RFTN1: variants seen among roughly 807,000 people sequenced by gnomAD.
RFTN1 encodes raftlin, lipid raft linker 1.
RFTN1 carries 26 observed loss-of-function variants against 46.5 expected under a neutral mutation model. The ratio of observed to expected loss-of-function variants is 0.56; its 90% confidence interval spans 0.41 to 0.78. RFTN1 has a LOEUF of 0.78. Among genes scored for constraint, RFTN1 ranks in the 30% least tolerant of loss-of-function variants. The probability of loss-of-function intolerance (pLI) is 0.00; values close to 1 mark genes in which losing one functional copy is unlikely to be tolerated. For missense variants in RFTN1, 693 were observed against 718.7 expected, an observed-to-expected ratio of 0.96 and a Z score of 0.41; for synonymous variants, 261 against 284.2, an observed-to-expected ratio of 0.92 and a Z score of 0.82.
chr3:16,451,211 C>T lies in RFTN1; in HGVS notation c.146-17174G>A, dbSNP rs2075817877. ...GGAGGCAGAGGAGCAGCCCGAGAGA[C>T]AAGAAGCAAAGCAGAAGAGTGCTGT... On this transcript the variant is annotated intron_variant, in intron 2 of 9. Transcript: ENST00000334133. The surrounding 1 kb of genome is among the most constrained non-coding windows in gnomAD (Gnocchi z 4.2). Among the ~76,000 whole-genome samples the T allele has an allele frequency of 6.6e-6, 1 of 152,172 alleles. No homozygotes were observed. Among genetic ancestry groups the T allele is most frequent in the African/African-American group, 2.4e-5 (1 of 41,430 alleles).
intron 4 of RFTN1, among the ~76,000 whole-genome samples, chr3:16,386,346 C>CT (rs2074173689): frequency 6.6e-6 from 1 of 152,220 alleles, no homozygotes; most frequent in African/African-American, 2.4e-5. Context: ...ATGCCCAACA[C>CT]TGTTTTAAAG....
Position 16,452,654 on chromosome 3 carries a change from C to A in RFTN1, c.146-18617G>T, listed in dbSNP as rs2075839463. ...CAACCAACCTTTTTGATTTACTGAC[C>A]AATTATGGTCTCAACTGTGACAGTG... is the stretch of plus-strand genomic sequence containing the variant. On this transcript the variant is annotated intron_variant, in intron 2 of 9. Transcript: ENST00000334133. This position sits in a 1 kb window ranked among gnomAD's most constrained non-coding sequence, Gnocchi z 6.3. Among the ~76,000 whole-genome samples, 1 of 152,030 alleles carries A rather than the reference C, an allele frequency of 6.6e-6. No individual in the cohort carries two copies. The highest frequency in any genetic ancestry group is 6.6e-5 in the Admixed American group (1 of 15,260).
At position 16,507,764 on chromosome 3, in the gene RFTN1, C is replaced by T. The variant is rs1240995535; in HGVS notation, c.-9+5678G>A. 6.6e-6 allele frequency among the ~76,000 whole-genome samples: 1 copy of T among 151,500 alleles called. No individual in the cohort carries two copies. The highest frequency in any genetic ancestry group is 2.4e-5 in the African/African-American group (1 of 41,152). Reference sequence around the variant, plus strand: ...ACATACATGCACACTCACATACACACAAACACACACATACACTCACATACA... The same window carrying T: ...ACATACATGCACACTCACATACACATAAACACACACATACACTCACATACA... On this transcript the variant is annotated intron_variant, in intron 1 of 9. Coordinates refer to ENST00000334133, the MANE Select transcript of RFTN1 (RefSeq NM_015150.2). This position sits in a 1 kb window ranked among gnomAD's most constrained non-coding sequence, Gnocchi z 7.1.
rs1253824464 is a variant in RFTN1 at position 16,352,256 on chromosome 3, G to T, written c.1146+5676C>A. Among the ~76,000 whole-genome samples the T allele has an allele frequency of 6.6e-6, 1 of 152,174 alleles. No homozygotes were observed. Among genetic ancestry groups the T allele is most frequent in the African/African-American group, 2.4e-5 (1 of 41,430 alleles). On this transcript the variant is annotated intron_variant, in intron 7 of 9. Coordinates refer to ENST00000334133, the MANE Select transcript of RFTN1 (RefSeq NM_015150.2). This position sits in a 1 kb window ranked among gnomAD's most constrained non-coding sequence, Gnocchi z 4.6. ...TATGCTAGAACATATTCCAGGGAGA[G>T]GGATAAACATGGAAAAGGCTCTATG...
chr3:16,360,505 T>G (rs182438462), intron 6 of RFTN1, among the ~76,000 whole-genome samples: 3 of 152,332 alleles, frequency 2.0e-5, no homozygotes, highest in Non-Finnish European at 4.4e-5. Flanking sequence ...TCACTGCTGG[T>G]AAAGGTATGG....
chr3:16,323,260 T>G (rs1416258160), intron 9 of RFTN1, 116 bp downstream of exon 9: 1 of 728,032 alleles, frequency 1.4e-6, no homozygotes, highest in Non-Finnish European at 2.3e-6. Context: ...AGGTGTTCCT[T>G]GGGCTCTGCG....
chr3:16,327,266 G>A lies in RFTN1; in HGVS notation c.1147-390C>T, dbSNP rs547195152. Among the ~76,000 whole-genome samples, 1 of 152,252 alleles carries A rather than the reference G, an allele frequency of 6.6e-6. No homozygotes were observed. Among genetic ancestry groups the A allele is most frequent in the South Asian group, 2.1e-4 (1 of 4,810 alleles). On this transcript the variant is annotated intron_variant, in intron 7 of 9. Transcript: ENST00000334133. The surrounding 1 kb of genome is among the most constrained non-coding windows in gnomAD (Gnocchi z 4.2). Reference sequence around the variant, plus strand: ...CTGAATGAGTTCAGAGCGTGTTGTGGGGAGTTAACTTACATTTGACAAATG... The same window carrying A: ...CTGAATGAGTTCAGAGCGTGTTGTGAGGAGTTAACTTACATTTGACAAATG...
chr3:16,317,205 T>G lies in RFTN1; in HGVS notation c.1360A>C (p.Met454Leu). 1 of 1,613,238 alleles carries G rather than the reference T, an allele frequency of 6.2e-7. No individual in the cohort carries two copies. Among genetic ancestry groups the G allele is most frequent in the Non-Finnish European group, 8.5e-7 (1 of 1,179,978 alleles). Residue 454 changes from methionine (M) to leucine (L), a missense_variant, in exon 10 of 10, where the codon ATG becomes CTG. Physicochemically the swap from Met to Leu is conservative, Grantham distance 15. Coordinates refer to ENST00000334133, the MANE Select transcript of RFTN1 (RefSeq NM_015150.2). The surrounding 1 kb of genome is among the most constrained non-coding windows in gnomAD (Gnocchi z 4.3). The stretch of plus-strand genomic sequence containing the variant: ...GATTTCCTCATCTGCCTGTTGTGCA[T>G]TTCTTCTCTGGAGAATCGCCACTGA... ...KFQWRFSREE[M>L]HNRQMRKSKG...
Position 16,452,283 on chromosome 3 carries a change from A to T in RFTN1, c.146-18246T>A, listed in dbSNP as rs1325615236. Among the ~76,000 whole-genome samples, 1 of 152,150 alleles carries T rather than the reference A, an allele frequency of 6.6e-6. No homozygotes were observed. Among genetic ancestry groups the T allele is most frequent in the African/African-American group, 2.4e-5 (1 of 41,412 alleles). The stretch of plus-strand genomic sequence containing the variant: ...TTCTAAAGAAAACTAAAAAAAAAAT[A>T]ATAGCTGTCAAGGTAGATGAAGGTA... On this transcript the variant is annotated intron_variant, in intron 2 of 9. Coordinates refer to ENST00000334133, the MANE Select transcript of RFTN1 (RefSeq NM_015150.2). The surrounding 1 kb of genome is among the most constrained non-coding windows in gnomAD (Gnocchi z 6.3).
Position 16,317,222 on chromosome 3 carries a change from C to G in RFTN1, c.1343G>C (p.Arg448Pro). ...IKKKESKFQW[R>P]FSREEMHNRQ... ...GTTGTGCATTTCTTCTCTGGAGAAT[C>G]GCCACTGAAACTAGAAATCAGAAAG... The change falls in exon 10 of 10, where the codon CGA becomes CCA. Residue 448 changes from arginine to proline, a missense_variant. Coordinates refer to ENST00000334133, the MANE Select transcript of RFTN1 (RefSeq NM_015150.2). This position sits in a 1 kb window ranked among gnomAD's most constrained non-coding sequence, Gnocchi z 4.3. The G allele has an allele frequency of 6.2e-7, 1 of 1,612,258 alleles. No homozygotes were observed. The highest frequency in any genetic ancestry group is 8.5e-7 in the Non-Finnish European group (1 of 1,179,950).
intron 2 of RFTN1, among the ~76,000 whole-genome samples, chr3:16,470,580 G>A (rs2076177505): frequency 6.6e-6 from 1 of 152,192 alleles, no homozygotes; most frequent in Non-Finnish European, 1.5e-5. Flanking sequence ...TATAAACTCT[G>A]CCCAGATCTC....
chr3:16,360,219 T>A (rs1164953297), intron 6 of RFTN1, among the ~76,000 whole-genome samples: 1 of 152,076 alleles, frequency 6.6e-6, no homozygotes, highest in Non-Finnish European at 1.5e-5. Context: ...TCTCTTAGAC[T>A]GGAGTGCCAT....
In RFTN1 at chr3:16,413,225, A is replaced by G. The variant is rs2075008808; in HGVS notation, c.333-3742T>C. Among the ~76,000 whole-genome samples, 4 of 152,274 alleles carry G rather than the reference A, an allele frequency of 2.6e-5. No homozygotes were observed. The South Asian group carries it at 8.3e-4, about 31-fold the overall frequency. On this transcript the variant is annotated intron_variant, in intron 3 of 9. Coordinates refer to ENST00000334133, the MANE Select transcript of RFTN1 (RefSeq NM_015150.2). This position sits in a 1 kb window ranked among gnomAD's most constrained non-coding sequence, Gnocchi z 4.7. Reference sequence around the variant, plus strand: ...AGGCCCAAACCCACAAAATCCAGCCAGACATCTGAAAGCAGCTCCATCAGG... The same window carrying G: ...AGGCCCAAACCCACAAAATCCAGCCGGACATCTGAAAGCAGCTCCATCAGG...
chr3:16,408,083 T>C (rs2074902254), intron 4 of RFTN1, among the ~76,000 whole-genome samples: 1 of 152,188 alleles, frequency 6.6e-6, no homozygotes, highest in Non-Finnish European at 1.5e-5. Context: ...TACAGCCCTG[T>C]CCCAGCTGTC....
intron 3 of RFTN1, among the ~76,000 whole-genome samples, chr3:16,417,190 G>T (rs12485690): frequency 0.076 from 11,047 of 146,294 alleles, 522 homozygotes; most frequent in Middle Eastern, 0.15. Context: ...TTTTTTTTTT[G>T]AATTTTAGTA....
Position 16,466,645 on chromosome 3 carries a change from A to C in RFTN1, c.145+27080T>G, listed in dbSNP as rs1306535965. On this transcript the variant is annotated intron_variant, in intron 2 of 9. Transcript: ENST00000334133. The surrounding 1 kb of genome is among the most constrained non-coding windows in gnomAD (Gnocchi z 5.6). ...TCAGAAACCAACCTTCTTTACAGGC[A>C]GAAGTTTCTTCCAACCTGTTACCTG... 6.6e-6 allele frequency among the ~76,000 whole-genome samples: 1 copy of C among 152,238 alleles called. No homozygotes were observed. The highest frequency in any genetic ancestry group is 6.5e-5 in the Admixed American group (1 of 15,286).
At position 16,443,606 on chromosome 3, in the gene RFTN1, C is replaced by T. The variant is rs2075670855; in HGVS notation, c.146-9569G>A. On this transcript the variant is annotated intron_variant, in intron 2 of 9. Coordinates refer to ENST00000334133, the MANE Select transcript of RFTN1 (RefSeq NM_015150.2). The surrounding 1 kb of genome is among the most constrained non-coding windows in gnomAD (Gnocchi z 5.5). The stretch of plus-strand genomic sequence containing the variant: ...ACTGGCAAAGCAACAGATGCCTCAT[C>T]AAATGAATTAAGTTGCCGGCCGCCG... Among the ~76,000 whole-genome samples the T allele has an allele frequency of 6.6e-6, 1 of 152,270 alleles. No homozygotes were observed. The highest frequency in any genetic ancestry group is 2.4e-5 in the African/African-American group (1 of 41,546).
chr3:16,326,883 GA>G lies in RFTN1; in HGVS notation c.1147-8del, dbSNP rs2069754613. 6.2e-7 allele frequency: 1 copy of G among 1,610,752 alleles called. No individual in the cohort carries two copies. The highest frequency in any genetic ancestry group is 1.7e-5 in the Admixed American group (1 of 59,852). On this transcript the variant is annotated splice_polypyrimidine_tract_variant and splice_region_variant and intron_variant, in intron 7 of 9. Transcript: ENST00000334133. ...CTGTCTGCACTTCGACACCCTGGGG[GA>G]ACAAGGCCAGCATTAGGGCTGCTGC...
chr3:16,511,706 A>G (rs2076905058), intron 1 of RFTN1, among the ~76,000 whole-genome samples: 1 of 151,924 alleles, frequency 6.6e-6, no homozygotes, highest in Non-Finnish European at 1.5e-5. Flanking sequence ...CACATCACTC[A>G]TGCCAAAGAT....
Sources: gnomAD v4.1 joint callset for allele counts (sites outside exome capture counted in the v4.1 genomes callset) on GRCh38, gnomAD v4.1.1 for gene constraint, Gnocchi (gnomAD v3.1) non-coding constraint, MANE v1.5 for transcripts, NCBI Gene and HGNC (gene_info 2026-07-23, HGNC 2026-07-21) for gene names.